PUS10: variants seen among roughly 807,000 people sequenced by gnomAD.
PUS10 encodes the protein tRNA pseudouridine synthase Pus10.
PUS10 carries 59 observed loss-of-function variants against 75.0 expected under a neutral mutation model. That is an observed-to-expected ratio of 0.79 (90% CI 0.64 to 0.98). The LOEUF (loss-of-function observed/expected upper bound fraction) is 0.98. Ranked by LOEUF, PUS10 falls within the 50% of genes least tolerant of loss-of-function variation. PUS10 has a pLI of 0.00. For synonymous variants in PUS10, 219 were observed against 211.6 expected, an observed-to-expected ratio of 1.03 and a Z score of -0.30; for missense variants, 650 against 614.4, an observed-to-expected ratio of 1.06 and a Z score of -0.61.
intron 3 of PUS10, among the ~76,000 whole-genome samples, chr2:61,008,215 G>C (rs1024477124): frequency 2.0e-5 from 3 of 151,160 alleles, no homozygotes; most frequent in African/African-American, 7.3e-5. Flanking sequence ...GGGAGATCCT[G>C]CCTCTACAAA....
chr2:60,959,684 C>T (rs919203122), intron 11 of PUS10, among the ~76,000 whole-genome samples: 1 of 152,134 alleles, frequency 6.6e-6, no homozygotes, highest in African/African-American at 2.4e-5. Context: ...CCACTGCACT[C>T]GGCAGAGCAA....
At chr2:60,947,207 GTTTTGT>G (rs1573377339) in intron 16 of PUS10, among the ~76,000 whole-genome samples, 1 of 151,880 alleles carries the variant, frequency 6.6e-6, no homozygotes, top group African/African-American at 2.4e-5. Flanking sequence ...CATCTGAATC[GTTTTGT>G]TTTTGTTTTT....
chr2:61,018,159 C>T lies in PUS10; in HGVS notation c.-167G>A. 1 of 1,550,744 alleles carries T rather than the reference C, an allele frequency of 6.4e-7. No homozygotes were observed. Among genetic ancestry groups the T allele is most frequent in the South Asian group, 1.2e-5 (1 of 84,054 alleles). On this transcript the variant is annotated 5_prime_UTR_variant, in exon 1 of 18. Coordinates refer to ENST00000316752, the MANE Select transcript of PUS10 (RefSeq NM_144709.4). Reference sequence around the variant, plus strand: ...CCTACCGCTTCTGTTTTCACTTTGACAGAATGGCTTCTCTATCTTTAAAGC... The same window carrying T: ...CCTACCGCTTCTGTTTTCACTTTGATAGAATGGCTTCTCTATCTTTAAAGC...
At chr2:60,969,740 C>G (rs1032898617) in intron 5 of PUS10, among the ~76,000 whole-genome samples, 130 of 152,248 alleles carry the variant, frequency 8.5e-4, no homozygotes, top group African/African-American at 3.0e-3. Context: ...TCCATTATCC[C>G]TATATCAGTC....
chr2:60,982,659 A>C (rs1320804147), intron 4 of PUS10, among the ~76,000 whole-genome samples: 1 of 152,162 alleles, frequency 6.6e-6, no homozygotes, highest in Non-Finnish European at 1.5e-5. Flanking sequence ...ATTTAACAAC[A>C]TTTCAAGAAA....
chr2:60,950,339 G>A (rs535379856), intron 15 of PUS10, among the ~76,000 whole-genome samples: 6 of 152,184 alleles, frequency 3.9e-5, no homozygotes, highest in East Asian at 1.9e-4. Flanking sequence ...ATAGACATAC[G>A]TCTATCTTTT....
Position 60,971,552 on chromosome 2 carries a change from A to T in PUS10, c.474T>A (p.Ala158=). The change falls in exon 5 of 18, where the codon GCT becomes GCA. Residue 158 remains alanine, a synonymous_variant. Transcript: ENST00000316752. Reference sequence around the variant, plus strand: ...TTTCCTGTTTTACCAGCAACCATGCAGCATGCTGTAGGCAATTTAGTCACA... The same window carrying T: ...TTTCCTGTTTTACCAGCAACCATGCTGCATGCTGTAGGCAATTTAGTCACA... The part of the protein sequence containing the change: ...FPPQLSVREH[A]AWLLVKQEMG... The T allele has an allele frequency of 2.5e-6, 4 of 1,613,822 alleles. No homozygotes were observed. The highest frequency in any genetic ancestry group is 3.4e-6 in the Non-Finnish European group (4 of 1,179,774).
intron 4 of PUS10, among the ~76,000 whole-genome samples, chr2:60,993,810 G>C (rs1442300728): frequency 6.6e-6 from 1 of 151,554 alleles, no homozygotes; most frequent in East Asian, 1.9e-4. Context: ...TTTTTTTTGA[G>C]ATGGAGTCTT....
rs749718108 is a variant in PUS10, at chr2:60,948,136, G to C, written c.1358C>G (p.Pro453Arg). 33 of 1,613,968 alleles carry C rather than the reference G, an allele frequency of 2.0e-5. No homozygotes were observed. The highest frequency in any genetic ancestry group is 3.3e-5 in the Admixed American group (2 of 59,986). ...KTPLRVLHRR[P>R]LAVRARVIHF... Reference sequence around the variant, plus strand: ...AATGACGCGAGCTCGCACAGCCAGGGGCCTTCGGTGAAGGACGCGCAAAGG... The same window carrying C: ...AATGACGCGAGCTCGCACAGCCAGGCGCCTTCGGTGAAGGACGCGCAAAGG... Residue 453 changes from proline (P) to arginine (R), a missense_variant, in exon 16 of 18, where the codon CCC (proline) becomes CGC (arginine). Transcript: ENST00000316752.
chr2:60,947,611 C>T (rs761012879), intron 16 of PUS10, among the ~76,000 whole-genome samples: 2 of 152,036 alleles, frequency 1.3e-5, no homozygotes, highest in Non-Finnish European at 2.9e-5. Flanking sequence ...GGGCGGATCA[C>T]GAGGTCAGGA....
chr2:60,998,746 A>C (rs1270451224), intron 4 of PUS10: 1 of 152,058 alleles, frequency 6.6e-6, no homozygotes, highest in Non-Finnish European at 1.5e-5. Context: ...CAGAAATTGT[A>C]CTGCTGTCTG....
chr2:60,977,980 T>C (rs1677140931), intron 4 of PUS10, among the ~76,000 whole-genome samples: 1 of 152,116 alleles, frequency 6.6e-6, no homozygotes, highest in Admixed American at 6.6e-5. Context: ...CATTAAGCTA[T>C]TAATAGTAAC....
chr2:60,971,520 T>C lies in PUS10; in HGVS notation c.503+3A>G. 6.2e-7 allele frequency: 1 copy of C among 1,613,470 alleles called. No homozygotes were observed. ...GTAAAAATTCCCTACCTAAATTACTTACCCCATTTCCTGTTTTACCAGCAA... is the reference window on the plus strand; with the variant it reads ...GTAAAAATTCCCTACCTAAATTACTCACCCCATTTCCTGTTTTACCAGCAA... On this transcript the variant is annotated splice_donor_region_variant and intron_variant, in intron 5 of 17. Transcript: ENST00000316752.
At chr2:60,995,436 T>G (rs1204643883) in intron 4 of PUS10, among the ~76,000 whole-genome samples, 2 of 152,180 alleles carry the variant, frequency 1.3e-5, no homozygotes, top group East Asian at 3.8e-4. Context: ...TATGAATAAT[T>G]TTTCAAAAAC....
intron 4 of PUS10, among the ~76,000 whole-genome samples, chr2:60,997,454 C>T (rs559002551): frequency 2.0e-5 from 3 of 152,022 alleles, no homozygotes; most frequent in African/African-American, 7.2e-5. Context: ...ACTAAAAATA[C>T]AAAAAATTAG....
intron 11 of PUS10, among the ~76,000 whole-genome samples, chr2:60,959,855 C>G (rs1675906812): frequency 6.6e-6 from 1 of 152,020 alleles, no homozygotes; most frequent in African/African-American, 2.4e-5. Context: ...TTCCTGCCAC[C>G]CCCAAGAAAT....
chr2:60,965,456 G>T lies in PUS10; in HGVS notation c.644C>A (p.Ala215Asp). 2 of 1,610,328 alleles carry T rather than the reference G, an allele frequency of 1.2e-6. No individual in the cohort carries two copies. Among genetic ancestry groups the T allele is most frequent in the Non-Finnish European group, 1.7e-6 (2 of 1,178,758 alleles). Residue 215 changes from alanine (A) to aspartate (D), a missense_variant, in exon 7 of 18, where the codon GCT (alanine) becomes GAT (aspartate). Transcript: ENST00000316752. ...KSLFEVSVVF[A>D]HPETVEDCHF... ...GCAATCCTCAACTGTTTCTGGGTGA[G>T]CAAAGACCACACTCACTTCAAACAA...
intron 17 of PUS10, among the ~76,000 whole-genome samples, chr2:60,944,024 G>A (rs1259644062): frequency 6.6e-6 from 1 of 151,970 alleles, no homozygotes; most frequent in Non-Finnish European, 1.5e-5. Context: ...AGCTACTCGG[G>A]AGACTGAGGC....
intron 5 of PUS10, among the ~76,000 whole-genome samples, chr2:60,971,095 G>A (rs997151229): frequency 3.3e-5 from 5 of 151,564 alleles, no homozygotes; most frequent in Admixed American, 6.6e-5. Flanking sequence ...CAGGAGAATC[G>A]CTTGAACCAG....
Sources: allele counts gnomAD v4.1 joint callset (sites outside exome capture counted in the v4.1 genomes callset), GRCh38; gene constraint gnomAD v4.1.1; transcripts MANE v1.5; gene names NCBI Gene and HGNC (gene_info 2026-07-23, HGNC 2026-07-21).